Variants in JAK1 observed in about 807,000 individuals in gnomAD.
The protein encoded by JAK1 is tyrosine-protein kinase JAK1.
A neutral mutation model predicts 136.6 loss-of-function variants in JAK1; 16 were observed. The ratio of observed to expected loss-of-function variants is 0.12; its 90% CI spans 0.08 to 0.18. The LOEUF (loss-of-function observed/expected upper bound fraction) is 0.18. Ranked by LOEUF, JAK1 falls within the 10% of genes least tolerant of loss-of-function variation. JAK1 has a pLI of 1.00. For missense variants in JAK1, 859 were observed against 1,450.1 expected, an observed-to-expected ratio of 0.59 and a Z score of 6.62; for synonymous variants, 492 against 519.5, an observed-to-expected ratio of 0.95 and a Z score of 0.72.
intron 1 of JAK1, among the ~76,000 whole-genome samples, chr1:64,919,619 T>A (rs1446128765): frequency 6.6e-6 from 1 of 152,198 alleles, no homozygotes; most frequent in African/African-American, 2.4e-5. Flanking sequence ...TTGAACTAGT[T>A]TAGTCTCACC....
At chr1:64,852,798 G>A (rs377372335) in intron 11 of JAK1, among the ~76,000 whole-genome samples, 7 of 152,190 alleles carry the variant, frequency 4.6e-5, no homozygotes, top group African/African-American at 7.2e-5. Context: ...ATGGGATGAC[G>A]CAAGGGAACG....
intron 2 of JAK1, among the ~76,000 whole-genome samples, chr1:64,988,174 C>T (rs41285420): frequency 5.3e-5 from 8 of 152,244 alleles, no homozygotes; most frequent in Non-Finnish European, 1.2e-4. Flanking sequence ...CTGGCAAACA[C>T]TAAAAATCAG....
intron 2 of JAK1, among the ~76,000 whole-genome samples, chr1:65,008,540 A>C (rs1296159270): frequency 2.0e-5 from 3 of 152,062 alleles, no homozygotes; most frequent in Non-Finnish European, 4.4e-5. Flanking sequence ...CCAAAGTTTG[A>C]AATTACAGGC....
Position 64,841,353 on chromosome 1 carries a change from A to G in JAK1, c.2555-14T>C, listed in dbSNP as rs367769069. On this transcript the variant is annotated splice_polypyrimidine_tract_variant and intron_variant, in intron 18 of 24. Transcript: ENST00000342505. Reference sequence around the variant, plus strand: ...CAATATCTGGATCTAACAGAAGAGAAAAGAAAACAGAGTGAAAGGCAGTCG... The same window carrying G: ...CAATATCTGGATCTAACAGAAGAGAGAAGAAAACAGAGTGAAAGGCAGTCG... The G allele has an allele frequency of 2.5e-6, 4 of 1,613,222 alleles. No homozygotes were observed. The African/African-American group carries it at 5.3e-5, about 22-fold the overall frequency.
At chr1:65,026,547 A>G (rs1396846426) in intron 2 of JAK1, among the ~76,000 whole-genome samples, 2 of 152,228 alleles carry the variant, frequency 1.3e-5, no homozygotes, top group Non-Finnish European at 2.9e-5. Flanking sequence ...GGAAAGAAGG[A>G]AGGAAGGGTT....
intron 2 of JAK1, among the ~76,000 whole-genome samples, chr1:64,977,456 T>TTC (rs1253653179): frequency 2.8e-5 from 4 of 143,688 alleles, no homozygotes; most frequent in African/African-American, 1.0e-4. Flanking sequence ...CCAGCCATCT[T>TTC]TTTTTTTTTT....
At chr1:64,980,748 G>A (rs866260106) in intron 2 of JAK1, among the ~76,000 whole-genome samples, 5 of 150,820 alleles carry the variant, frequency 3.3e-5, no homozygotes, top group African/African-American at 1.2e-4. Context: ...GACAGGCCCT[G>A]GTGTGTGATG....
intron 1 of JAK1, among the ~76,000 whole-genome samples, chr1:64,945,041 C>T (rs984972359): frequency 4.0e-5 from 6 of 151,784 alleles, no homozygotes; most frequent in African/African-American, 7.3e-5. Flanking sequence ...AGGAGCACAT[C>T]GGGATGGGCA....
intron 12 of JAK1, among the ~76,000 whole-genome samples, chr1:64,849,496 C>T (rs1655452046): frequency 6.6e-6 from 1 of 152,238 alleles, no homozygotes; most frequent in South Asian, 2.1e-4. Context: ...GTGTGAGCCG[C>T]TGTGCCTGGT....
intron 2 of JAK1, among the ~76,000 whole-genome samples, chr1:65,043,968 C>T (rs1466023048): frequency 6.6e-6 from 1 of 151,616 alleles, no homozygotes; most frequent in African/African-American, 2.4e-5. Context: ...GTGATCCACC[C>T]GCCTTGGCCT....
At chr1:64,922,936 C>G (rs1464898611) in intron 1 of JAK1, among the ~76,000 whole-genome samples, 1 of 152,170 alleles carries the variant, frequency 6.6e-6, no homozygotes, top group Non-Finnish European at 1.5e-5. Flanking sequence ...TCTCACCTAA[C>G]TGTTGTCAAG....
At chr1:64,841,782 T>C (rs951615780) in intron 17 of JAK1, among the ~76,000 whole-genome samples, 181 bp from the exon 18 acceptor site, 1 of 152,198 alleles carries the variant, frequency 6.6e-6, no homozygotes, top group Non-Finnish European at 1.5e-5. Flanking sequence ...GTCCTAATAC[T>C]GAATAGTCCA....
rs543453897 is a variant in JAK1 at position 64,925,167 on chromosome 1, C to T, written c.-77-38826G>A. Among the ~76,000 whole-genome samples the T allele has an allele frequency of 4.6e-5, 7 of 151,354 alleles. No individual in the cohort carries two copies. The East Asian group carries it at 1.2e-3, about 25-fold the overall frequency. On this transcript the variant is annotated intron_variant, in intron 1 of 24. Transcript: ENST00000342505. ...ATCCCAGCACTTTGGGAGGCTGAGG[C>T]GGGCGGATCACCTGAGGTCAAGAGT...
intron 2 of JAK1, chr1:64,979,992 G>T (rs934552378): frequency 6.6e-6 from 1 of 152,040 alleles, no homozygotes; most frequent in Non-Finnish European, 1.5e-5. Flanking sequence ...TCAATTTTAG[G>T]TACCACGACA....
intron 1 of JAK1, among the ~76,000 whole-genome samples, chr1:64,926,278 C>T (rs1645580392): frequency 6.6e-6 from 1 of 152,110 alleles, no homozygotes; most frequent in Admixed American, 6.5e-5. Context: ...GATCTTTGCT[C>T]ACCTGATGGT....
intron 1 of JAK1, among the ~76,000 whole-genome samples, chr1:64,955,066 C>T (rs1646159074): frequency 1.3e-5 from 2 of 152,276 alleles, no homozygotes; most frequent in South Asian, 4.2e-4. Context: ...GTAATTTGAC[C>T]GAATTCCCTT....
At chr1:64,935,869 C>A (rs528824616) in intron 1 of JAK1, among the ~76,000 whole-genome samples, 1 of 152,232 alleles carries the variant, frequency 6.6e-6, no homozygotes, top group East Asian at 1.9e-4. Context: ...AAATGGTGCA[C>A]AATAAATCCA....
At chr1:65,044,427 G>T (rs950372167) in intron 2 of JAK1, among the ~76,000 whole-genome samples, 1 of 152,202 alleles carries the variant, frequency 6.6e-6, no homozygotes, top group Non-Finnish European at 1.5e-5. Flanking sequence ...AGTAAATGAA[G>T]TTGCAAGTTT....
At chr1:64,896,005 CGGGAACG>C (rs1163907993) in intron 1 of JAK1, among the ~76,000 whole-genome samples, 3 of 152,180 alleles carry the variant, frequency 2.0e-5, no homozygotes, top group Non-Finnish European at 4.4e-5. Context: ...GGGAACTACT[CGGGAACG>C]GGGAAGCTAT....
Sources: allele counts gnomAD v4.1 joint callset (sites outside exome capture counted in the v4.1 genomes callset), GRCh38; gene constraint gnomAD v4.1.1; transcripts MANE v1.5; gene names NCBI Gene and HGNC (gene_info 2026-07-23, HGNC 2026-07-21).